PLPPR1: variants seen among roughly 807,000 people sequenced by gnomAD.
PLPPR1 encodes phospholipid phosphatase related 1, also known as phospholipid phosphatase-related protein type 1.
In PLPPR1, 10 loss-of-function variants were observed where a neutral mutation model predicts 33.1. The observed-to-expected ratio is 0.30, with a 90% confidence interval of 0.19 to 0.51. PLPPR1 has a LOEUF of 0.51. Ranked by LOEUF, PLPPR1 falls within the 20% of genes least tolerant of loss-of-function variation. The pLI is 0.97. For synonymous variants in PLPPR1, 151 were observed against 151.0 expected, an observed-to-expected ratio of 1.00 and a Z score of 0.00; for missense variants, 304 against 408.1, an observed-to-expected ratio of 0.74 and a Z score of 2.20.
intron 2 of PLPPR1, among the ~76,000 whole-genome samples, chr9:101,265,644 C>A (rs2118887361): frequency 6.6e-6 from 1 of 152,284 alleles, no homozygotes; most frequent in South Asian, 2.1e-4. Context: ...CTCATGGAGA[C>A]AGAATCAATG....
chr9:101,042,535 T>C (rs1292709905), intron 1 of PLPPR1, among the ~76,000 whole-genome samples: 4 of 152,170 alleles, frequency 2.6e-5, no homozygotes. Flanking sequence ...ATAATAATGA[T>C]GGGTTACCTG....
chr9:101,093,981 T>G (rs1463462008), intron 1 of PLPPR1, among the ~76,000 whole-genome samples: 3 of 152,186 alleles, frequency 2.0e-5, no homozygotes, highest in Non-Finnish European at 4.4e-5. Flanking sequence ...AATTTTTACC[T>G]CTTACCTCCC....
intron 1 of PLPPR1, among the ~76,000 whole-genome samples, chr9:101,149,439 G>A (rs1017746034): frequency 2.0e-5 from 3 of 152,100 alleles, no homozygotes; most frequent in Admixed American, 6.6e-5. Flanking sequence ...TATGGTTATC[G>A]GGGGTACCCA....
chr9:101,200,696 C>T (rs1227508274), intron 2 of PLPPR1, among the ~76,000 whole-genome samples: 1 of 152,052 alleles, frequency 6.6e-6, no homozygotes, highest in Non-Finnish European at 1.5e-5. Flanking sequence ...TAATGGGTTC[C>T]ACATCCTACC....
chr9:101,079,436 G>A (rs1453071453), intron 1 of PLPPR1, among the ~76,000 whole-genome samples: 1 of 152,056 alleles, frequency 6.6e-6, no homozygotes, highest in Non-Finnish European at 1.5e-5. Flanking sequence ...TGTGTGTTTT[G>A]TTTTAGAATT....
At position 101,028,734 on chromosome 9, in the gene PLPPR1, T is replaced by C. The variant is rs1829897153; in HGVS notation, c.-414T>C. On this transcript the variant is annotated 5_prime_UTR_variant, in exon 1 of 8. Coordinates refer to ENST00000374874, the MANE Select transcript of PLPPR1 (RefSeq NM_207299.2). ...CTCCGCCCCCTCCGCGCCAGCCTTT[T>C]GCTCTTTCCTTTCATTAAACAAACA... is the stretch of plus-strand genomic sequence containing the variant. 6.5e-6 allele frequency: 1 copy of C among 152,714 alleles called. No individual in the cohort carries two copies. The highest frequency in any genetic ancestry group is 2.4e-5 in the African/African-American group (1 of 41,440). The allele number at this position is 152,714 out of a possible 1,614,324, so 9.5% of individuals were successfully genotyped here.
intron 4 of PLPPR1, among the ~76,000 whole-genome samples, chr9:101,287,770 G>C (rs1305018868): frequency 1.3e-5 from 2 of 152,054 alleles, no homozygotes; most frequent in Non-Finnish European, 1.5e-5. Context: ...CAAAGTGCTG[G>C]GATTACAGAC....
intron 1 of PLPPR1, among the ~76,000 whole-genome samples, chr9:101,158,075 GT>G (rs1490931262): frequency 3.9e-5 from 6 of 152,052 alleles, no homozygotes; most frequent in African/African-American, 1.4e-4. Flanking sequence ...TTTCTACAGT[GT>G]TACAAACTAC....
In PLPPR1 at chr9:101,042,524, G is replaced by A. The variant is rs1043680339; in HGVS notation, c.-46+13422G>A. On this transcript the variant is annotated intron_variant, in intron 1 of 7. Transcript: ENST00000374874. ...CTCATGCCACATTGGACACCATCCT[G>A]ATAATAATGATGGGTTACCTGCCAA... Among the ~76,000 whole-genome samples the A allele has an allele frequency of 2.4e-4, 37 of 152,238 alleles. No homozygotes were observed. The Middle Eastern group carries it at 0.014, about 56-fold the overall frequency.
intron 1 of PLPPR1, among the ~76,000 whole-genome samples, chr9:101,055,399 T>G (rs552710072): frequency 2.0e-5 from 3 of 152,308 alleles, no homozygotes; most frequent in Admixed American, 6.5e-5. Flanking sequence ...CCTTTAAGTC[T>G]CCAGCTGAGA....
chr9:101,301,216 AG>A (rs1564031628), intron 4 of PLPPR1, among the ~76,000 whole-genome samples: 1 of 152,188 alleles, frequency 6.6e-6, no homozygotes, highest in East Asian at 1.9e-4. Flanking sequence ...GCATTGTAAA[AG>A]GTGCTTTATT....
intron 4 of PLPPR1, among the ~76,000 whole-genome samples, chr9:101,289,049 C>G (rs914270082): frequency 1.3e-5 from 2 of 152,194 alleles, no homozygotes; most frequent in African/African-American, 2.4e-5. Flanking sequence ...AGCCTCATCC[C>G]GAGCCACTCC....
At chr9:101,069,881 C>T (rs1359533732) in intron 1 of PLPPR1, among the ~76,000 whole-genome samples, 1 of 152,010 alleles carries the variant, frequency 6.6e-6, no homozygotes, top group Non-Finnish European at 1.5e-5. Flanking sequence ...ATTAGGAGGA[C>T]TTAGGGAAAG....
rs553660804 is a variant in PLPPR1 at position 101,207,857 on chromosome 9, A to T, written c.63+22300A>T. 2.6e-5 allele frequency among the ~76,000 whole-genome samples: 4 copies of T among 152,290 alleles called. No homozygotes were observed. The South Asian group carries it at 8.3e-4, about 32-fold the overall frequency. ...AAGGAGATTATAAGAGAACTAGGTA[A>T]ACAGGACCACAGAAGGACTTCCAAG... On this transcript the variant is annotated intron_variant, in intron 2 of 7. Transcript: ENST00000374874.
intron 2 of PLPPR1, among the ~76,000 whole-genome samples, chr9:101,244,668 CTT>C (rs916198250): frequency 6.6e-6 from 1 of 151,762 alleles, no homozygotes; most frequent in Non-Finnish European, 1.5e-5. Context: ...TGGAGATAAT[CTT>C]TTTTCTAGGT....
chr9:101,089,096 TA>T (rs1359667532), intron 1 of PLPPR1, among the ~76,000 whole-genome samples: 1 of 152,176 alleles, frequency 6.6e-6, no homozygotes, highest in Non-Finnish European at 1.5e-5. Flanking sequence ...TGGCGTATAA[TA>T]GTGGGTAACT....
At chr9:101,279,447 C>A (rs1397590114) in intron 3 of PLPPR1, among the ~76,000 whole-genome samples, 5 of 152,164 alleles carry the variant, frequency 3.3e-5, no homozygotes, top group African/African-American at 1.2e-4. Flanking sequence ...AATAAAGGAA[C>A]ATTGATCTTA....
intron 1 of PLPPR1, among the ~76,000 whole-genome samples, chr9:101,120,674 C>T (rs181228996): frequency 1.2e-3 from 183 of 152,210 alleles, no homozygotes; most frequent in Non-Finnish European, 2.2e-3. Flanking sequence ...ATGCTCCCCT[C>T]CTTCAACAGA....
intron 1 of PLPPR1, among the ~76,000 whole-genome samples, chr9:101,117,564 A>G (rs1224102834): frequency 7.9e-5 from 12 of 152,174 alleles, no homozygotes; most frequent in Admixed American, 7.2e-4. Context: ...AGAAATAACC[A>G]TAAAAATGGG....
Sources: allele counts gnomAD v4.1 joint callset (sites outside exome capture counted in the v4.1 genomes callset), GRCh38; gene constraint gnomAD v4.1.1; transcripts MANE v1.5; gene names NCBI Gene and HGNC (gene_info 2026-07-23, HGNC 2026-07-21).